Variants in IQGAP1 observed in about 807,000 individuals in gnomAD.
IQGAP1 encodes the protein IQ motif containing GTPase activating protein 1, also known as ras GTPase-activating-like protein IQGAP1.
IQGAP1 carries 66 observed loss-of-function variants against 215.6 expected under a neutral mutation model. That is an observed-to-expected ratio of 0.31 (90% CI 0.25 to 0.38). The LOEUF is 0.38. Ranked by LOEUF, IQGAP1 falls within the 10% of genes least tolerant of loss-of-function variation. IQGAP1 has a pLI of 1.00. For missense variants in IQGAP1, 1,712 were observed against 1,997.1 expected, an observed-to-expected ratio of 0.86 and a Z score of 2.72; for synonymous variants, 772 against 728.7, an observed-to-expected ratio of 1.06 and a Z score of -0.96.
chr15:90,483,993 A>G lies in IQGAP1; in HGVS notation c.3789-227A>G, dbSNP rs181713600. ...TCTGGAAACTTTTAAGTCATGGTGC[A>G]ATGGTTCTTATGGGTAAAACTAAAA... On this transcript the variant is annotated intron_variant, in intron 29 of 37. Coordinates refer to ENST00000268182, the MANE Select transcript of IQGAP1 (RefSeq NM_003870.4). 6.6e-5 allele frequency among the ~76,000 whole-genome samples: 10 copies of G among 152,332 alleles called. No homozygotes were observed. In the East Asian group the frequency reaches 1.9e-3, roughly 29 times the overall value.
chr15:90,411,365 A>G (rs1964963288), intron 2 of IQGAP1, among the ~76,000 whole-genome samples: 1 of 151,898 alleles, frequency 6.6e-6, no homozygotes, highest in Non-Finnish European at 1.5e-5. Context: ...TGCAGCCACA[A>G]CACCCCCAGG....
chr15:90,476,822 A>C lies in IQGAP1; in HGVS notation c.2940+4A>C. The C allele has an allele frequency of 6.3e-7, 1 of 1,584,628 alleles. No individual in the cohort carries two copies. Among genetic ancestry groups the C allele is most frequent in the Non-Finnish European group, 8.5e-7 (1 of 1,173,288 alleles). On this transcript the variant is annotated splice_donor_region_variant and intron_variant, in intron 24 of 37. Transcript: ENST00000268182. Reference sequence around the variant, plus strand: ...GCACCTGTTTTATTTATTGCAAGTAAGTGGCTCCTGGAATCAGTGTTATAA... The same window carrying C: ...GCACCTGTTTTATTTATTGCAAGTACGTGGCTCCTGGAATCAGTGTTATAA...
chr15:90,388,517 G>C, intron 1 of IQGAP1, 121 bp downstream of exon 1: 1 of 870,264 alleles, frequency 1.1e-6, no homozygotes, highest in South Asian at 2.3e-5. Context: ...CTCGGACCCG[G>C]AAGAGCCGTC....
intron 15 of IQGAP1, among the ~76,000 whole-genome samples, chr15:90,462,399 A>G (rs554989520): frequency 2.6e-5 from 4 of 152,190 alleles, no homozygotes; most frequent in Non-Finnish European, 5.9e-5. Flanking sequence ...CTATATGGCA[A>G]CTAAACCAGC....
intron 3 of IQGAP1, among the ~76,000 whole-genome samples, chr15:90,426,696 G>C (rs532929319): frequency 4.6e-5 from 7 of 151,896 alleles, no homozygotes; most frequent in Non-Finnish European, 8.8e-5. Context: ...GGCTCACGCC[G>C]GTAATCCCAG....
chr15:90,421,528 A>G (rs1318938069), intron 2 of IQGAP1, among the ~76,000 whole-genome samples: 1 of 152,166 alleles, frequency 6.6e-6, no homozygotes, highest in Non-Finnish European at 1.5e-5. Flanking sequence ...ATTTGGGGAA[A>G]AAAGGAGTCT....
chr15:90,473,782 A>G lies in IQGAP1; in HGVS notation c.2417A>G (p.Lys806Arg), dbSNP rs1195840524. The G allele has an allele frequency of 1.2e-6, 2 of 1,612,730 alleles. No individual in the cohort carries two copies. The highest frequency in any genetic ancestry group is 8.5e-7 in the Non-Finnish European group (1 of 1,179,578). ...CGGTTAGCTTACCTGCGCTCCCACA[A>G]AGATGAAGTTGTAAAGGTATGGTAG... ...QDRLAYLRSH[K>R]DEVVKIQSLA... The change falls in exon 20 of 38, where the codon AAA (lysine) becomes AGA (arginine). Residue 806 changes from lysine to arginine, a missense_variant. Transcript: ENST00000268182.
In IQGAP1 at chr15:90,476,797, G is replaced by T. The variant is rs1314841364; in HGVS notation, c.2919G>T (p.Gln973His). ...KEKREKLEAYQHLFYLLQTNP... is the reference protein window; with the variant it reads ...KEKREKLEAYHHLFYLLQTNP... ...AGAGAGAGAAGTTGGAAGCTTACCAGCACCTGTTTTATTTATTGCAAGTAA... is the reference window on the plus strand; with the variant it reads ...AGAGAGAGAAGTTGGAAGCTTACCATCACCTGTTTTATTTATTGCAAGTAA... Residue 973 changes from glutamine to histidine, a missense_variant, in exon 24 of 38, where the codon CAG becomes CAT. Around this residue, in one of 2 missense-constraint regions of IQGAP1, gnomAD observed 691 missense variants for 923.0 expected, o/e 0.75. Transcript: ENST00000268182. 1 of 1,592,544 alleles carries T rather than the reference G, an allele frequency of 6.3e-7. No individual in the cohort carries two copies. Among genetic ancestry groups the T allele is most frequent in the Non-Finnish European group, 8.5e-7 (1 of 1,175,262 alleles).
chr15:90,489,548 C>T (rs1401459797), intron 33 of IQGAP1, among the ~76,000 whole-genome samples: 2 of 152,174 alleles, frequency 1.3e-5, no homozygotes, highest in African/African-American at 2.4e-5. Context: ...GTATATAGAG[C>T]AGGTACTCTG....
intron 2 of IQGAP1, among the ~76,000 whole-genome samples, chr15:90,392,711 T>C (rs1567110887): frequency 6.6e-6 from 1 of 151,990 alleles, no homozygotes; most frequent in Non-Finnish European, 1.5e-5. Flanking sequence ...AGTTTTTTGG[T>C]CTACTTGTAG....
chr15:90,484,184 C>T (rs369471052), intron 29 of IQGAP1, 36 bp from the exon 30 acceptor site: 3 of 1,604,098 alleles, frequency 1.9e-6, no homozygotes, highest in Non-Finnish European at 2.6e-6. Context: ...ATGTGTATGT[C>T]CCTTTTTGGG....
At chr15:90,413,061 T>C (rs1395327966) in intron 2 of IQGAP1, among the ~76,000 whole-genome samples, 2 of 152,076 alleles carry the variant, frequency 1.3e-5, no homozygotes, top group Admixed American at 6.5e-5. Context: ...GTTCTCAGTA[T>C]AGTTATTTAT....
At chr15:90,421,956 G>A (rs1161347264) in intron 2 of IQGAP1, among the ~76,000 whole-genome samples, 1 of 152,054 alleles carries the variant, frequency 6.6e-6, no homozygotes, top group Non-Finnish European at 1.5e-5. Flanking sequence ...CCACTGCACC[G>A]GTTCTAAATA....
intron 30 of IQGAP1, among the ~76,000 whole-genome samples, 155 bp downstream of exon 30, chr15:90,484,507 T>C (rs1966099434): frequency 2.0e-5 from 3 of 152,130 alleles, no homozygotes; most frequent in African/African-American, 7.2e-5. Context: ...TATTCTTTTT[T>C]GTTTATTTAT....
intron 2 of IQGAP1, among the ~76,000 whole-genome samples, chr15:90,393,121 AT>A (rs1340566916): frequency 1.4e-5 from 2 of 144,980 alleles, no homozygotes; most frequent in Non-Finnish European, 3.0e-5. Context: ...AAAAAAAAAA[AT>A]ACACCTATCT....
At chr15:90,484,092 C>A in intron 29 of IQGAP1, 128 bp from the exon 30 acceptor site, 1 of 794,846 alleles carries the variant, frequency 1.3e-6, no homozygotes, top group Non-Finnish European at 2.0e-6. Context: ...ACACACAGCA[C>A]TTTCTCTTGA....
chr15:90,432,203 C>G (rs1965312748), intron 4 of IQGAP1, among the ~76,000 whole-genome samples: 2 of 152,122 alleles, frequency 1.3e-5, no homozygotes, highest in Admixed American at 6.6e-5. Context: ...CTACCTTTTC[C>G]CCAACTGAAC....
In IQGAP1 at chr15:90,479,371, C is replaced by T. The variant is rs751567798; in HGVS notation, c.3329+1482C>T. On this transcript the variant is annotated intron_variant, in intron 26 of 37. Transcript: ENST00000268182. ...TAACACTATTCTTCATTCTACTTTC[C>T]ATGTACCCGGATGCCAGGCAAACAG... Among the ~76,000 whole-genome samples the T allele has an allele frequency of 1.3e-3, 202 of 152,160 alleles. 2 individuals are homozygous for T. The highest frequency in any genetic ancestry group is 8.7e-4 in the Non-Finnish European group (59 of 68,012).
intron 3 of IQGAP1, 52 bp downstream of exon 3, chr15:90,426,318 G>A (rs1466567810): frequency 9.0e-6 from 14 of 1,556,278 alleles, no homozygotes; most frequent in Non-Finnish European, 1.2e-5. Flanking sequence ...GAGAAAGTTA[G>A]CATGTTTTAT....
Sources: gnomAD v4.1 joint callset for allele counts (sites outside exome capture counted in the v4.1 genomes callset) on GRCh38, gnomAD v4.1.1 for gene constraint, gnomAD v4.1.1 regional missense constraint, MANE v1.5 for transcripts, NCBI Gene and HGNC (gene_info 2026-07-23, HGNC 2026-07-21) for gene names.